ADCK1: variants seen among roughly 807,000 people sequenced by gnomAD.
The protein encoded by ADCK1 is aarF domain containing kinase 1.
Under a neutral mutation model 52.3 loss-of-function variants are expected in ADCK1, and 41 were observed. The observed-to-expected ratio is 0.78, with a 90% CI of 0.61 to 1.02. ADCK1 has a LOEUF of 1.02. ADCK1 is among the 50% of genes least tolerant of loss of function. ADCK1 has a pLI of 0.00. For synonymous variants in ADCK1, 250 were observed against 274.6 expected (o/e 0.91, Z 0.89); for missense variants, 658 against 679.5 (o/e 0.97, Z 0.35).
intron 7 of ADCK1, among the ~76,000 whole-genome samples, chr14:77,921,189 T>C (rs1427927063): frequency 1.3e-5 from 2 of 150,310 alleles, no homozygotes; most frequent in African/African-American, 4.9e-5. Context: ...TAGCCAGGCG[T>C]GGTGGCAGGC....
At chr14:77,898,997 G>A (rs2083471021) in intron 5 of ADCK1, 103 bp from the exon 6 acceptor site, 3 of 1,478,650 alleles carry the variant, frequency 2.0e-6, no homozygotes, top group Non-Finnish European at 2.8e-6. Flanking sequence ...GGGCCCCAGG[G>A]GAGCAGTTTC....
rs1041670504 is a variant in ADCK1 at position 77,902,244 on chromosome 14, C to T, written c.741+2986C>T. 36 of 152,202 alleles carry T rather than the reference C, an allele frequency of 2.4e-4. 1 individual carries two copies. Among genetic ancestry groups the T allele is most frequent in the African/African-American group, 8.7e-4 (36 of 41,446 alleles). The allele number at this position is 152,202 out of a possible 1,614,324, so 9.4% of individuals were successfully genotyped here. A position where few individuals can be genotyped will look rare whatever the true frequency, so the allele number is the denominator to read the frequency against. ...TGTTGATCAGTGCAGTGTATTGACA[C>T]ATTGACTGTGGTGGAAGATAGAACC... On this transcript the variant is annotated intron_variant, in intron 6 of 10. Coordinates refer to ENST00000238561, the MANE Select transcript of ADCK1 (RefSeq NM_020421.4).
intron 4 of ADCK1, among the ~76,000 whole-genome samples, chr14:77,868,612 C>G (rs1397923212): frequency 6.6e-6 from 1 of 152,146 alleles, no homozygotes; most frequent in East Asian, 1.9e-4. Flanking sequence ...TGGGGTGCCT[C>G]CCCTTTGTTG....
intron 3 of ADCK1, among the ~76,000 whole-genome samples, chr14:77,845,183 A>C (rs575402879): frequency 1.4e-4 from 21 of 152,304 alleles, no homozygotes; most frequent in Admixed American, 7.2e-4. Context: ...TCTAAGAGGT[A>C]TTTCATTATG....
rs577840102 is a variant in ADCK1 at position 77,869,699 on chromosome 14, A to G, written c.423+10420A>G. ...TAAGGCAAAAAAGGAGATGTGTTAC[A>G]TTGTAGTTAGGGTTGGGCTAGAGTT... On this transcript the variant is annotated intron_variant, in intron 4 of 10. Transcript: ENST00000238561. 2.0e-5 allele frequency among the ~76,000 whole-genome samples: 3 copies of G among 152,266 alleles called. No homozygotes were observed. In the South Asian group the frequency reaches 6.2e-4, roughly 32 times the overall value.
intron 1 of ADCK1, among the ~76,000 whole-genome samples, chr14:77,812,864 A>G (rs1381970943): frequency 6.6e-6 from 1 of 152,114 alleles, no homozygotes; most frequent in Non-Finnish European, 1.5e-5. Flanking sequence ...TGCTGGGGTT[A>G]CAGATATGAG....
chr14:77,820,266 C>T (rs2081550880), intron 2 of ADCK1, among the ~76,000 whole-genome samples: 1 of 151,868 alleles, frequency 6.6e-6, no homozygotes, highest in African/African-American at 2.4e-5. Flanking sequence ...GCCTGGGAGT[C>T]AGGATTGGTA....
At chr14:77,852,660 A>AATAAATATATAT (rs1372819667) in intron 3 of ADCK1, among the ~76,000 whole-genome samples, 8 of 31,732 alleles carry the variant, frequency 2.5e-4, no homozygotes, top group African/African-American at 9.1e-4. Context: ...TAAATAAATA[A>AATAAATATATAT]ATATATATAT....
chr14:77,886,617 A>T (rs1266465718), intron 4 of ADCK1, among the ~76,000 whole-genome samples: 2 of 152,124 alleles, frequency 1.3e-5, no homozygotes, highest in Non-Finnish European at 2.9e-5. Context: ...GCTGGTACAC[A>T]ACTGATAAAG....
intron 3 of ADCK1, among the ~76,000 whole-genome samples, chr14:77,825,348 A>G (rs1008093417): frequency 6.6e-6 from 1 of 151,000 alleles, no homozygotes; most frequent in Non-Finnish European, 1.5e-5. Flanking sequence ...AGAAGACCCG[A>G]GTTTGTGACT....
chr14:77,893,737 C>CTTCCTTCCTTCCTTTCTT (rs35559156), intron 5 of ADCK1, among the ~76,000 whole-genome samples: 4 of 50,354 alleles, frequency 7.9e-5, no homozygotes, highest in African/African-American at 3.2e-4. Context: ...TCCTTCCTTC[C>CTTCCTTCCTTCCTTTCTT]TTTTTTTTTT....
intron 1 of ADCK1, among the ~76,000 whole-genome samples, chr14:77,816,402 G>T (rs72688838): frequency 6.9e-6 from 1 of 145,834 alleles, no homozygotes; most frequent in African/African-American, 2.5e-5. Flanking sequence ...AGGCAGGATC[G>T]TGGTCTTTCC....
At chr14:77,823,486 G>T (rs2081624247) in intron 3 of ADCK1, among the ~76,000 whole-genome samples, 1 of 152,172 alleles carries the variant, frequency 6.6e-6, no homozygotes, top group Admixed American at 6.5e-5. Flanking sequence ...ACAGTAGAAT[G>T]AACTCTGGTG....
At chr14:77,841,436 C>G (rs1406761953) in intron 3 of ADCK1, among the ~76,000 whole-genome samples, 9 of 151,748 alleles carry the variant, frequency 5.9e-5, no homozygotes, top group African/African-American at 1.9e-4. Flanking sequence ...GCTATTGGAT[C>G]TTTAGGGGAA....
intron 7 of ADCK1, among the ~76,000 whole-genome samples, chr14:77,909,081 C>G (rs1359687505): frequency 6.8e-6 from 1 of 147,224 alleles, no homozygotes; most frequent in African/African-American, 2.5e-5. Flanking sequence ...GTTCTGCCCT[C>G]TGGGATGGAA....
intron 3 of ADCK1, among the ~76,000 whole-genome samples, chr14:77,830,213 C>T (rs774499000): frequency 3.3e-5 from 5 of 151,098 alleles, no homozygotes; most frequent in African/African-American, 9.7e-5. Flanking sequence ...TCTCCGCTCA[C>T]GGCAACCTCC....
intron 4 of ADCK1, among the ~76,000 whole-genome samples, chr14:77,869,703 T>A (rs2082735024): frequency 6.6e-6 from 1 of 152,164 alleles, no homozygotes; most frequent in African/African-American, 2.4e-5. Flanking sequence ...TGTTACATTG[T>A]AGTTAGGGTT....
At chr14:77,868,895 C>T (rs974347359) in intron 4 of ADCK1, among the ~76,000 whole-genome samples, 6 of 152,146 alleles carry the variant, frequency 3.9e-5, no homozygotes, top group Non-Finnish European at 7.4e-5. Flanking sequence ...CAGGCAGAAC[C>T]GTGCACAGAG....
rs773173759 is a variant in ADCK1 at position 77,822,461 on chromosome 14, C to T, written c.162C>T (p.Leu54=). The change falls in exon 3 of 11, where the codon CTC becomes CTT. Residue 54 remains leucine (L), a synonymous_variant. Coordinates refer to ENST00000238561, the MANE Select transcript of ADCK1 (RefSeq NM_020421.4). The stretch of plus-strand genomic sequence containing the variant: ...CGGCTGTCATCAGTTACGACTACCT[C>T]ACTTCCCTGAAGAGTGTCCCTTATG... ...ATTAVISYDY[L]TSLKSVPYGS... is the part of the protein sequence containing the mutation. 4 of 1,614,044 alleles carry T rather than the reference C, an allele frequency of 2.5e-6. No homozygotes were observed. The highest frequency in any genetic ancestry group is 3.4e-6 in the Non-Finnish European group (4 of 1,180,014).
Sources: gnomAD v4.1 joint callset for allele counts (sites outside exome capture counted in the v4.1 genomes callset) on GRCh38, gnomAD v4.1.1 for gene constraint, MANE v1.5 for transcripts, NCBI Gene and HGNC (gene_info 2026-07-23, HGNC 2026-07-21) for gene names.